Variants in WDR64 observed in about 807,000 individuals in gnomAD.
The protein encoded by WDR64 is WD repeat domain 64, also known as WD repeat-containing protein 64.
Under a neutral mutation model 139.3 loss-of-function variants are expected in WDR64, and 112 were observed. The observed-to-expected ratio is 0.80, with a 90% CI of 0.69 to 0.94. WDR64 has a LOEUF of 0.94. Among genes scored for constraint, WDR64 ranks in the 40% least tolerant of loss-of-function variants. WDR64 has a pLI of 0.00. For missense variants in WDR64, 1,206 were observed against 1,293.1 expected, an observed-to-expected ratio of 0.93 and a Z score of 1.03; for synonymous variants, 444 against 437.7, an observed-to-expected ratio of 1.01 and a Z score of -0.18.
intron 23 of WDR64, among the ~76,000 whole-genome samples, chr1:241,783,983 T>C (rs1278192061): frequency 1.3e-4 from 20 of 152,182 alleles, no homozygotes; most frequent in Admixed American, 1.3e-3. Context: ...CTTAAAAGAA[T>C]GAAGTTAGGT....
At chr1:241,731,205 C>A (rs952869781) in intron 10 of WDR64, among the ~76,000 whole-genome samples, 1 of 151,990 alleles carries the variant, frequency 6.6e-6, no homozygotes, top group Non-Finnish European at 1.5e-5. Flanking sequence ...GAATACTATT[C>A]AGCCATTAAA....
chr1:241,739,481 C>G (rs369711905), intron 11 of WDR64, among the ~76,000 whole-genome samples: 1 of 152,268 alleles, frequency 6.6e-6, no homozygotes, highest in East Asian at 1.9e-4. Flanking sequence ...GCACTTCATA[C>G]TTGATAAAGA....
rs565134885 is a variant in WDR64 at position 241,792,326 on chromosome 1, G to A, written c.2997+1630G>A. ...CCGAGGTGGGCAGATCACGAGGTCAGGAGATCGAGACCATCCTGACTAACA... is the reference window on the plus strand; with the variant it reads ...CCGAGGTGGGCAGATCACGAGGTCAAGAGATCGAGACCATCCTGACTAACA... On this transcript the variant is annotated intron_variant, in intron 25 of 27. Coordinates refer to ENST00000437684, the MANE Select transcript of WDR64 (RefSeq NM_001367482.1). Among the ~76,000 whole-genome samples, 144 of 152,256 alleles carry A rather than the reference G, an allele frequency of 9.5e-4. 1 individual carries two copies. The highest frequency in any genetic ancestry group is 3.3e-3 in the African/African-American group (136 of 41,556).
At chr1:241,755,608 G>T (rs1558509214) in intron 14 of WDR64, among the ~76,000 whole-genome samples, 1 of 152,066 alleles carries the variant, frequency 6.6e-6, no homozygotes, top group South Asian at 2.1e-4. Flanking sequence ...CATTGCTTTT[G>T]GTGTTTTAGT....
At chr1:241,735,566 G>T (rs140089175) in intron 10 of WDR64, among the ~76,000 whole-genome samples, 8 of 90,246 alleles carry the variant, frequency 8.9e-5, no homozygotes, top group Non-Finnish European at 6.1e-5. Flanking sequence ...ACGGAATCTC[G>T]CTTTGTCATC....
At chr1:241,668,277 AG>A (rs1045423426) in intron 2 of WDR64, among the ~76,000 whole-genome samples, 1 of 152,070 alleles carries the variant, frequency 6.6e-6, no homozygotes, top group Non-Finnish European at 1.5e-5. Context: ...TGGGAGGCCG[AG>A]GGGGGCGGAT....
intron 1 of WDR64, among the ~76,000 whole-genome samples, chr1:241,653,543 C>CTTTTT (rs33934176): frequency 1.2e-4 from 16 of 137,120 alleles, no homozygotes; most frequent in South Asian, 2.3e-4. Context: ...CTTTTCTTTT[C>CTTTTT]TTTTTTTTTT....
At chr1:241,662,788 T>C (rs914006252) in intron 2 of WDR64, among the ~76,000 whole-genome samples, 5 of 152,138 alleles carry the variant, frequency 3.3e-5, no homozygotes, top group African/African-American at 1.2e-4. Flanking sequence ...GCTGAAATAC[T>C]GGACACAACC....
intron 26 of WDR64, among the ~76,000 whole-genome samples, chr1:241,795,791 C>T (rs1659345576): frequency 6.6e-6 from 1 of 152,160 alleles, no homozygotes; most frequent in Non-Finnish European, 1.5e-5. Flanking sequence ...CTTTGTTAGA[C>T]AACTAATTAA....
rs1454593211 is a variant in WDR64 at position 241,715,417 on chromosome 1, A to G, written c.1054+3536A>G. Among the ~76,000 whole-genome samples the G allele has an allele frequency of 3.3e-5, 5 of 152,296 alleles. No individual in the cohort carries two copies. The East Asian group carries it at 9.7e-4, about 29-fold the overall frequency. On this transcript the variant is annotated intron_variant, in intron 9 of 27. Transcript: ENST00000437684. ...TCTTGGCTTATTACTTCCAACGGAA[A>G]TGGGCACAGTTTTTGGTTTGGATCA...
At position 241,796,375 on chromosome 1, in the gene WDR64, G is replaced by C. The variant is rs1450837803; in HGVS notation, c.3192+5G>C. ...GGTCATGTTCAACGTGAAAAAGTAA[G>C]TTAGTACTAATTCCACCGTTAACTC... On this transcript the variant is annotated splice_donor_5th_base_variant and intron_variant, in intron 27 of 27. Coordinates refer to ENST00000437684, the MANE Select transcript of WDR64 (RefSeq NM_001367482.1). The C allele has an allele frequency of 6.3e-7, 1 of 1,589,044 alleles. No individual in the cohort carries two copies. The highest frequency in any genetic ancestry group is 2.2e-5 in the East Asian group (1 of 44,478).
intron 8 of WDR64, among the ~76,000 whole-genome samples, chr1:241,700,010 G>A (rs1667649311): frequency 1.3e-5 from 2 of 151,728 alleles, no homozygotes; most frequent in South Asian, 2.1e-4. Flanking sequence ...GAGACCAATT[G>A]ATGAAGATAT....
chr1:241,753,153 C>T (rs1285503417), intron 14 of WDR64, among the ~76,000 whole-genome samples: 2 of 152,034 alleles, frequency 1.3e-5, no homozygotes, highest in Non-Finnish European at 2.9e-5. Flanking sequence ...TAGCTAAAGC[C>T]CTCATTTTGC....
intron 15 of WDR64, among the ~76,000 whole-genome samples, chr1:241,760,355 A>G (rs1474529489): frequency 6.6e-6 from 1 of 151,006 alleles, no homozygotes. Flanking sequence ...ATTTATATTT[A>G]TATGAAAAAG....
At chr1:241,718,865 A>G (rs1668499793) in intron 9 of WDR64, among the ~76,000 whole-genome samples, 1 of 152,088 alleles carries the variant, frequency 6.6e-6, no homozygotes, top group South Asian at 2.1e-4. Context: ...TTGGGGCAGC[A>G]GGAGCTGGTG....
At chr1:241,683,813 A>G in intron 7 of WDR64, 112 bp downstream of exon 7, 1 of 922,438 alleles carries the variant, frequency 1.1e-6, no homozygotes, top group South Asian at 2.1e-5. Context: ...ATAAGAAATT[A>G]AGACAAAATT....
chr1:241,722,461 C>A (rs1668645175), intron 9 of WDR64, among the ~76,000 whole-genome samples: 1 of 151,986 alleles, frequency 6.6e-6, no homozygotes, highest in African/African-American at 2.4e-5. Flanking sequence ...AAAAAAAGAC[C>A]ACAGAAGTAC....
At chr1:241,662,667 G>C (rs1472864743) in intron 2 of WDR64, among the ~76,000 whole-genome samples, 1 of 152,184 alleles carries the variant, frequency 6.6e-6, no homozygotes, top group Non-Finnish European at 1.5e-5. Flanking sequence ...AAGGGATAGA[G>C]ATTATACAAA....
chr1:241,653,141 T>C (rs1665427827), intron 1 of WDR64, among the ~76,000 whole-genome samples: 1 of 152,218 alleles, frequency 6.6e-6, no homozygotes, highest in African/African-American at 2.4e-5. Flanking sequence ...ACAGTGGTCT[T>C]ACAGGAGGAT....
Sources: gnomAD v4.1 joint callset for allele counts (sites outside exome capture counted in the v4.1 genomes callset) on GRCh38, gnomAD v4.1.1 for gene constraint, MANE v1.5 for transcripts, NCBI Gene and HGNC (gene_info 2026-07-23, HGNC 2026-07-21) for gene names.